DCHS2: variants seen among roughly 807,000 people sequenced by gnomAD.
DCHS2 encodes the protein protocadherin-23.
DCHS2 carries 142 observed loss-of-function variants against 182.4 expected under a neutral mutation model. That is an observed-to-expected ratio of 0.78 (90% CI 0.68 to 0.89). The LOEUF (loss-of-function observed/expected upper bound fraction) is 0.89. Among genes scored for constraint, DCHS2 ranks in the 40% least tolerant of loss-of-function variants. The pLI is 0.00. For synonymous variants in DCHS2, 1,740 were observed against 1,663.3 expected, an observed-to-expected ratio of 1.05 and a Z score of -1.12; for missense variants, 4,319 against 4,198.6, an observed-to-expected ratio of 1.03 and a Z score of -0.79.
At chr4:154,468,162 G>A (rs562368796) in intron 1 of DCHS2, among the ~76,000 whole-genome samples, 3 of 152,056 alleles carry the variant, frequency 2.0e-5, no homozygotes, top group Admixed American at 6.6e-5. Flanking sequence ...CTTACCCAAT[G>A]ACTAGAGAGT....
At chr4:154,436,600 G>C (rs982294359) in intron 1 of DCHS2, among the ~76,000 whole-genome samples, 1 of 152,126 alleles carries the variant, frequency 6.6e-6, no homozygotes, top group Admixed American at 6.5e-5. Flanking sequence ...TATGTGATGT[G>C]ATATATACAT....
intron 3 of DCHS2, among the ~76,000 whole-genome samples, chr4:154,358,602 AAT>A (rs1309697019): frequency 2.6e-5 from 4 of 152,172 alleles, no homozygotes; most frequent in Non-Finnish European, 5.9e-5. Flanking sequence ...AGGTTCATTA[AAT>A]TTCTTTGAAT....
Position 154,490,442 on chromosome 4 carries a change from A to G in DCHS2, c.914T>C (p.Val305Ala). The change falls in exon 1 of 20, where the codon GTG (valine) becomes GCG (alanine). Residue 305 changes from valine (V) to alanine (A), a missense_variant. Val to Ala is a moderately conservative substitution (Grantham distance 64, BLOSUM62 0). Transcript: ENST00000357232. ...GGCGCCCGGCTGGGCGTCCTCGCGCACCGCGGCGCGGTACTCGTCCTGCTC... is the reference window on the plus strand; with the variant it reads ...GGCGCCCGGCTGGGCGTCCTCGCGCGCCGCGGCGCGGTACTCGTCCTGCTC... ...VFEQDEYRAA[V>A]REDAQPGAEV... 1 of 1,534,584 alleles carries G rather than the reference A, an allele frequency of 6.5e-7. No homozygotes were observed. Among genetic ancestry groups the G allele is most frequent in the East Asian group, 2.5e-5 (1 of 40,678 alleles).
intron 10 of DCHS2, among the ~76,000 whole-genome samples, chr4:154,309,157 C>T (rs1413735213): frequency 6.6e-6 from 1 of 152,084 alleles, no homozygotes; most frequent in African/African-American, 2.4e-5. Context: ...GTGGTTGTTC[C>T]CTCTGCCTGC....
chr4:154,462,885 A>G (rs1735070861), intron 1 of DCHS2, among the ~76,000 whole-genome samples: 1 of 152,124 alleles, frequency 6.6e-6, no homozygotes, highest in Non-Finnish European at 1.5e-5. Flanking sequence ...CTCTACAACT[A>G]ATGTAAGATT....
intron 15 of DCHS2, 45 bp downstream of exon 15, chr4:154,259,500 C>CACACACACACACACACA (rs537383748): frequency 1.2e-6 from 1 of 860,072 alleles, no homozygotes. Flanking sequence ...ACAGACACAC[C>CACACACACACACACACA]CACACACACA....
At chr4:154,366,465 T>A (rs1228309487) in intron 2 of DCHS2, 24 bp from the exon 3 acceptor site, 2 of 1,540,714 alleles carry the variant, frequency 1.3e-6, no homozygotes, top group East Asian at 2.3e-5. Context: ...GAGTGGTGAT[T>A]ACAAATGGGT....
intron 13 of DCHS2, among the ~76,000 whole-genome samples, chr4:154,279,066 C>A (rs1347926212): frequency 5.3e-5 from 8 of 151,744 alleles, no homozygotes; most frequent in Non-Finnish European, 8.8e-5. Flanking sequence ...AATGGATATG[C>A]AATATAAAAG....
At chr4:154,421,740 A>G (rs1733122328) in intron 1 of DCHS2, among the ~76,000 whole-genome samples, 1 of 152,152 alleles carries the variant, frequency 6.6e-6, no homozygotes, top group South Asian at 2.1e-4. Context: ...AAATAAAAAC[A>G]CTACCTTGCA....
intron 12 of DCHS2, among the ~76,000 whole-genome samples, chr4:154,303,588 T>G (rs1735309609): frequency 6.6e-6 from 1 of 152,064 alleles, no homozygotes; most frequent in Non-Finnish European, 1.5e-5. Context: ...ATGTGTCATT[T>G]TGGACACACT....
chr4:154,237,999 C>G (rs1731615159), intron 19 of DCHS2, among the ~76,000 whole-genome samples: 1 of 152,102 alleles, frequency 6.6e-6, no homozygotes, highest in Non-Finnish European at 1.5e-5. Flanking sequence ...ATCAATAGCT[C>G]AGTGCAAAAT....
At chr4:154,443,496 C>A (rs542210880) in intron 1 of DCHS2, among the ~76,000 whole-genome samples, 1 of 152,262 alleles carries the variant, frequency 6.6e-6, no homozygotes, top group Non-Finnish European at 1.5e-5. Flanking sequence ...CCTGAGAACA[C>A]AAAAGGTAAC....
intron 1 of DCHS2, among the ~76,000 whole-genome samples, chr4:154,393,474 G>C (rs11723561): frequency 0.31 from 47,269 of 152,112 alleles, 8,316 homozygotes; most frequent in Middle Eastern, 0.42. Context: ...TCCTCTTTAT[G>C]TAATAGTTTA....
chr4:154,369,572 C>A (rs1246915025), intron 2 of DCHS2, among the ~76,000 whole-genome samples: 2 of 152,200 alleles, frequency 1.3e-5, no homozygotes, highest in African/African-American at 4.8e-5. Context: ...AGCCACCCAG[C>A]AAAGCCACTT....
chr4:154,491,784 G>C lies in DCHS2; in HGVS notation c.-429C>G, dbSNP rs1233037739. On this transcript the variant is annotated 5_prime_UTR_variant, in exon 1 of 20. Coordinates refer to ENST00000357232, the MANE Select transcript of DCHS2 (RefSeq NM_001358235.2). ...CAAGGAGAGGATGGGGATCTGGCCGGAGTAGGGGGTGGAGTAAGGGCGTGG... is the reference window on the plus strand; with the variant it reads ...CAAGGAGAGGATGGGGATCTGGCCGCAGTAGGGGGTGGAGTAAGGGCGTGG... The C allele has an allele frequency of 5.2e-5, 52 of 990,914 alleles. No individual in the cohort carries two copies. Among genetic ancestry groups the C allele is most frequent in the Non-Finnish European group, 6.2e-5 (52 of 833,998 alleles). The allele number at this position is 990,914 out of a possible 1,614,324, so 61.4% of individuals were successfully genotyped here.
intron 3 of DCHS2, 166 bp from the exon 4 acceptor site, chr4:154,335,270 T>G: frequency 3.3e-6 from 2 of 611,032 alleles, no homozygotes; most frequent in Non-Finnish European, 2.9e-6. Context: ...AGTGTGTCTG[T>G]GAGGGTGCTT....
intron 2 of DCHS2, among the ~76,000 whole-genome samples, chr4:154,366,839 G>T (rs1002232485): frequency 6.6e-6 from 1 of 152,142 alleles, no homozygotes; most frequent in Non-Finnish European, 1.5e-5. Flanking sequence ...AAGGAAATTT[G>T]TCCTGATGTC....
intron 1 of DCHS2, among the ~76,000 whole-genome samples, chr4:154,487,712 A>C (rs1728638544): frequency 6.6e-6 from 1 of 152,224 alleles, no homozygotes; most frequent in African/African-American, 2.4e-5. Flanking sequence ...GAACTCCCTA[A>C]CTGAGAACCA....
In DCHS2 at chr4:154,242,708, G is replaced by A; in HGVS notation, c.7006C>T (p.Gln2336Ter). 3.7e-6 allele frequency: 6 copies of A among 1,613,096 alleles called. No homozygotes were observed. The highest frequency in any genetic ancestry group is 5.1e-6 in the Non-Finnish European group (6 of 1,179,416). The change falls in exon 17 of 20, where the codon CAG (glutamine) becomes TAG (stop). Residue 2336 changes from glutamine to a stop codon, truncating the protein, a stop_gained. Transcript: ENST00000357232. LOFTEE classifies it high-confidence loss of function. ...RLSNTTVIKV[Q>*]VTDINDNAPA... ...GCATTGTCATTTATATCAGTCACCT[G>A]TACCTTGATTACAGTCGTATTAGAA...
Sources: allele counts gnomAD v4.1 joint callset (sites outside exome capture counted in the v4.1 genomes callset), GRCh38; gene constraint gnomAD v4.1.1; transcripts MANE v1.5; gene names NCBI Gene and HGNC (gene_info 2026-07-23, HGNC 2026-07-21).